Variants in LRP8 observed in about 807,000 individuals in gnomAD.
LRP8 encodes the protein low-density lipoprotein receptor-related protein 8.
A neutral mutation model predicts 111.6 loss-of-function variants in LRP8; 46 were observed. That is an observed-to-expected ratio of 0.41 (90% CI 0.33 to 0.53). LRP8 has a LOEUF of 0.53. Ranked by LOEUF, LRP8 falls within the 20% of genes least tolerant of loss-of-function variation. LRP8 has a pLI of 0.20. For missense variants in LRP8, 959 were observed against 1,297.4 expected (o/e 0.74, Z 4.01); for synonymous variants, 464 against 511.2 (o/e 0.91, Z 1.24).
At chr1:53,259,545 T>C (rs1363132587) in intron 13 of LRP8, among the ~76,000 whole-genome samples, 1 of 151,862 alleles carries the variant, frequency 6.6e-6, no homozygotes, top group Non-Finnish European at 1.5e-5. Flanking sequence ...ACACCTAGGC[T>C]CAAAGAGAAC....
At position 53,246,082 on chromosome 1, in the gene LRP8, C is replaced by CT. The variant is rs1205825911; in HGVS notation, c.*935_*936insA. Reference sequence around the variant, plus strand: ...TCTTGAGTTTCTGAGCACTCTGGTACCATGGAATGTCTGTACACTGACCTT... The same window carrying CT: ...TCTTGAGTTTCTGAGCACTCTGGTACTCATGGAATGTCTGTACACTGACCTT... On this transcript the variant is annotated 3_prime_UTR_variant, in exon 19 of 19. Coordinates refer to ENST00000306052, the MANE Select transcript of LRP8 (RefSeq NM_004631.5). 6.6e-6 allele frequency: 1 copy of CT among 152,166 alleles called. No homozygotes were observed. The highest frequency in any genetic ancestry group is 2.4e-5 in the African/African-American group (1 of 41,436). 9.4% of individuals were successfully genotyped at this position (152,166 alleles called of 1,614,324 possible). A position where few individuals can be genotyped will look rare whatever the true frequency, so the allele number is the denominator to read the frequency against.
intron 2 of LRP8, among the ~76,000 whole-genome samples, chr1:53,319,472 G>T (rs1489408368): frequency 6.6e-6 from 1 of 152,206 alleles, no homozygotes; most frequent in Non-Finnish European, 1.5e-5. Flanking sequence ...CTCGCTGGGT[G>T]ACTCTCAGTT....
At chr1:53,258,195 A>C in intron 14 of LRP8, 124 bp downstream of exon 14, 3 of 995,772 alleles carry the variant, frequency 3.0e-6, no homozygotes, top group Non-Finnish European at 4.3e-6. Flanking sequence ...CCCAAAAGGC[A>C]ACAAGTAACC....
At chr1:53,254,943 G>T (rs539938283) in intron 16 of LRP8, among the ~76,000 whole-genome samples, 174 bp downstream of exon 16, 1 of 152,294 alleles carries the variant, frequency 6.6e-6, no homozygotes, top group Admixed American at 6.5e-5. Context: ...GTCCTGAAGA[G>T]CCTTGTGTGC....
chr1:53,316,190 C>T (rs574313505), intron 2 of LRP8, among the ~76,000 whole-genome samples: 17 of 152,290 alleles, frequency 1.1e-4, no homozygotes, highest in East Asian at 9.7e-4. Context: ...GGACTTGCCC[C>T]GGGGCCTCCC....
Position 53,258,519 on chromosome 1 carries a change from G to A in LRP8, c.2057-48C>T, listed in dbSNP as rs188280276. On this transcript the variant is annotated intron_variant, in intron 13 of 18. Transcript: ENST00000306052. The stretch of plus-strand genomic sequence containing the variant: ...CTGGGGCACAGACAGGACATGCCAG[G>A]TCTTCCTGCCTCCTGAGGATGAGGC... 2.3e-4 allele frequency: 362 copies of A among 1,570,550 alleles called. 4 individuals are homozygous for A. In the Admixed American group the frequency reaches 6.0e-3, roughly 26 times the overall value.
Position 53,249,306 on chromosome 1 carries a change from TA to T in LRP8, c.2853+73del, listed in dbSNP as rs1645821274. 6.6e-7 allele frequency: 1 copy of T among 1,513,566 alleles called. No individual in the cohort carries two copies. Among genetic ancestry groups the T allele is most frequent in the African/African-American group, 1.4e-5 (1 of 71,834 alleles). 93.8% of individuals were successfully genotyped at this position (1,513,566 alleles called of 1,614,324 possible). A position where few individuals can be genotyped will look rare whatever the true frequency, so the allele number is the denominator to read the frequency against. ...AGCCTTCCCAAACCAGAAAGCCTTCTAGGATTGGCTGCGCCTGCCTTGGTTC... is the reference window on the plus strand; with the variant it reads ...AGCCTTCCCAAACCAGAAAGCCTTCTGGATTGGCTGCGCCTGCCTTGGTTC... On this transcript the variant is annotated intron_variant, in intron 18 of 18. Coordinates refer to ENST00000306052, the MANE Select transcript of LRP8 (RefSeq NM_004631.5). The surrounding 1 kb of genome is among the most constrained non-coding windows in gnomAD (Gnocchi z 4.1).
At chr1:53,298,780 G>A (rs78642063) in intron 2 of LRP8, among the ~76,000 whole-genome samples, 1,931 of 152,298 alleles carry the variant, frequency 0.013, 41 homozygotes, top group African/African-American at 0.043. Flanking sequence ...CCACAGCTCC[G>A]CCTCCCTTGG....
Position 53,257,322 on chromosome 1 carries a change from G to A in LRP8, c.2352C>T (p.Val784=), listed in dbSNP as rs1339792967. The change falls in exon 15 of 19, where the codon GTC becomes GTT. Residue 784 remains valine (V), a synonymous_variant. Transcript: ENST00000306052. Reference sequence around the variant, plus strand: ...CCCTGGGGACACTAACTGAGCTTGGGACTGCAGCTGTCAGGCTTGGTGTCT... The same window carrying A: ...CCCTGGGGACACTAACTGAGCTTGGAACTGCAGCTGTCAGGCTTGGTGTCT... The part of the protein sequence containing the change: ...STETPSLTAA[V]PSSVSVPRAP... The A allele has an allele frequency of 2.5e-6, 4 of 1,614,054 alleles. No homozygotes were observed. The highest frequency in any genetic ancestry group is 2.7e-5 in the African/African-American group (2 of 74,904).
chr1:53,326,722 C>T, intron 2 of LRP8, 151 bp downstream of exon 2: 1 of 1,288,624 alleles, frequency 7.8e-7, no homozygotes, highest in Non-Finnish European at 1.0e-6. Context: ...CCGAGGGAGG[C>T]GGTGCCCAGG....
intron 2 of LRP8, among the ~76,000 whole-genome samples, chr1:53,319,113 T>C (rs58798531): frequency 0.046 from 7,000 of 152,282 alleles, 406 homozygotes; most frequent in African/African-American, 0.13. Flanking sequence ...GAGCCTCGTT[T>C]TCCTCATCAA....
chr1:53,316,020 C>G (rs1223154219), intron 2 of LRP8, among the ~76,000 whole-genome samples: 1 of 152,182 alleles, frequency 6.6e-6, no homozygotes, highest in African/African-American at 2.4e-5. Context: ...CCAGACCACT[C>G]TGCCCTGGTT....
chr1:53,326,831 C>T (rs1433502059), intron 2 of LRP8, 42 bp downstream of exon 2: 1 of 1,595,452 alleles, frequency 6.3e-7, no homozygotes, highest in East Asian at 2.3e-5. Context: ...CCCACCGTTC[C>T]TTTTCTCTCC....
Position 53,276,834 on chromosome 1 carries a change from A to G in LRP8, c.741T>C (p.Arg247=), listed in dbSNP as rs56300220. Residue 247 remains arginine, a synonymous_variant, in exon 5 of 19, where the codon CGT becomes CGC. Transcript: ENST00000306052. ...RSDEAAELCG[R]PGPGATSAPA... is the part of the protein sequence containing the mutation. ...GCGCGGACGTGGCCCCGGGGCCCGG[A>G]CGGCCGCAGAGCTCGGCTGCCTCGT... 486,241 of 1,266,710 alleles carry G rather than the reference A, an allele frequency of 0.38. 97,038 individuals carry two copies. Among genetic ancestry groups the G allele is most frequent in the East Asian group, 0.71 (17,649 of 24,818 alleles). The allele number at this position is 1,266,710 out of a possible 1,614,324, so 78.5% of individuals were successfully genotyped here. A position where few individuals can be genotyped will look rare whatever the true frequency, so the allele number is the denominator to read the frequency against.
In LRP8 at chr1:53,250,962, G is replaced by T. The variant is rs1395221389; in HGVS notation, c.2504-100C>A. 3.2e-5 allele frequency: 30 copies of T among 926,820 alleles called. No homozygotes were observed. In the Admixed American group the frequency reaches 5.5e-4, roughly 17 times the overall value. 57.4% of individuals were successfully genotyped at this position (926,820 alleles called of 1,614,324 possible). A position where few individuals can be genotyped will look rare whatever the true frequency, so the allele number is the denominator to read the frequency against. On this transcript the variant is annotated intron_variant, in intron 16 of 18. Transcript: ENST00000306052. The surrounding 1 kb of genome is among the most constrained non-coding windows in gnomAD (Gnocchi z 4.6). ...CACCACTCCACTTTTACTACCCTTT[G>T]CTCCTCAGGCTCTGTTTCTGCATGT...
chr1:53,311,218 G>C (rs1396482933), intron 2 of LRP8, among the ~76,000 whole-genome samples: 1 of 151,944 alleles, frequency 6.6e-6, no homozygotes, highest in Non-Finnish European at 1.5e-5. Context: ...TGAGGGGTGC[G>C]CAGGAGGAAT....
rs1437430984 is a variant in LRP8, at chr1:53,249,719, T to G, written c.2677-163A>C. ...CCTTTGCACATGCCTCTATCTGGAA[T>G]GCCATTTCCCTCCTTCTCTCCCGGG... On this transcript the variant is annotated intron_variant, in intron 17 of 18. Transcript: ENST00000306052. The surrounding 1 kb of genome is among the most constrained non-coding windows in gnomAD (Gnocchi z 4.1). Among the ~76,000 whole-genome samples the G allele has an allele frequency of 1.3e-5, 2 of 152,238 alleles. No homozygotes were observed. Among genetic ancestry groups the G allele is most frequent in the Non-Finnish European group, 2.9e-5 (2 of 68,042 alleles).
chr1:53,326,812 A>G, intron 2 of LRP8, 61 bp downstream of exon 2: 3 of 1,556,618 alleles, frequency 1.9e-6, no homozygotes, highest in African/African-American at 1.4e-5. Context: ...CGCGCCAAGC[A>G]TGGTGCCCCC....
intron 2 of LRP8, among the ~76,000 whole-genome samples, chr1:53,323,372 G>A (rs1654757841): frequency 2.0e-5 from 3 of 152,230 alleles, no homozygotes; most frequent in Admixed American, 2.0e-4. Context: ...CACAGCAAGT[G>A]CCCAGACAGC....
Sources: gnomAD v4.1 joint callset for allele counts (sites outside exome capture counted in the v4.1 genomes callset) on GRCh38, gnomAD v4.1.1 for gene constraint, Gnocchi (gnomAD v3.1) non-coding constraint, MANE v1.5 for transcripts, NCBI Gene and HGNC (gene_info 2026-07-23, HGNC 2026-07-21) for gene names.